MBNL3: variants seen among roughly 807,000 people sequenced by gnomAD.
The protein encoded by MBNL3 is muscleblind-like protein 3.
Under a neutral mutation model 24.5 loss-of-function variants are expected in MBNL3, and 6 were observed. The ratio of observed to expected loss-of-function variants is 0.25; its 90% CI spans 0.13 to 0.48. The LOEUF is 0.48. MBNL3 is among the 20% of genes least tolerant of loss of function. The probability of loss-of-function intolerance (pLI) is 0.99; values close to 1 mark genes in which losing one functional copy is unlikely to be tolerated. For missense variants in MBNL3, 230 were observed against 293.5 expected, an observed-to-expected ratio of 0.78 and a Z score of 1.58; for synonymous variants, 100 against 101.7, an observed-to-expected ratio of 0.98 and a Z score of 0.10.
intron 1 of MBNL3, among the ~76,000 whole-genome samples, chrX:132,444,770 T>C (rs1945606468): frequency 8.9e-6 from 1 of 111,829 alleles, no homozygotes; most frequent in Admixed American, 9.5e-5. Context: ...TAATAGATTC[T>C]CTATTAAGTG....
chrX:132,481,663 C>T (rs977293318), intron 1 of MBNL3, among the ~76,000 whole-genome samples: 2 of 111,962 alleles, frequency 1.8e-5, no homozygotes, highest in African/African-American at 6.5e-5. Context: ...ATGATGATCA[C>T]ACTCTTCACA....
intron 3 of MBNL3, among the ~76,000 whole-genome samples, chrX:132,401,970 A>G (rs1479735270): frequency 9.0e-6 from 1 of 111,616 alleles, no homozygotes; most frequent in Non-Finnish European, 1.9e-5. Flanking sequence ...AAAGGTGGAG[A>G]GGGATCCAGG....
At chrX:132,409,221 A>G in intron 2 of MBNL3, among the ~76,000 whole-genome samples, 1 of 112,242 alleles carries the variant, frequency 8.9e-6, no homozygotes, top group Non-Finnish European at 1.9e-5. Context: ...AAAATACTTT[A>G]ATTGGTGTTT....
intron 6 of MBNL3, among the ~76,000 whole-genome samples, chrX:132,385,933 T>G (rs1935944926): frequency 9.2e-6 from 1 of 109,134 alleles, no homozygotes; most frequent in South Asian, 3.8e-4. Context: ...GTACTCTCAA[T>G]GGTTAGAATT....
At chrX:132,488,321 G>T (rs942878644) in intron 1 of MBNL3, among the ~76,000 whole-genome samples, 1 of 111,238 alleles carries the variant, frequency 9.0e-6, no homozygotes, top group Admixed American at 9.5e-5. Flanking sequence ...TTCATTACTC[G>T]TCTGGGTTTA....
chrX:132,447,331 A>AAT (rs765569380), intron 1 of MBNL3, among the ~76,000 whole-genome samples: 2 of 111,923 alleles, frequency 1.8e-5, no homozygotes, highest in East Asian at 5.6e-4. Context: ...TTGAATCTAT[A>AAT]AATTACTTTG....
At chrX:132,480,453 G>A (rs1947669814) in intron 1 of MBNL3, among the ~76,000 whole-genome samples, 2 of 111,993 alleles carry the variant, frequency 1.8e-5, no homozygotes, top group African/African-American at 6.5e-5. Context: ...TCTGGCAGAC[G>A]TTAATGGCAA....
At chrX:132,449,982 C>G (rs1487279265) in intron 1 of MBNL3, among the ~76,000 whole-genome samples, 1 of 60,102 alleles carries the variant, frequency 1.7e-5, no homozygotes, top group Non-Finnish European at 3.5e-5. Flanking sequence ...ATATTGCCCC[C>G]CCCCCCCCCC....
intron 1 of MBNL3, among the ~76,000 whole-genome samples, chrX:132,463,468 A>G (rs1189084675): frequency 8.9e-6 from 1 of 112,039 alleles, no homozygotes; most frequent in Admixed American, 9.5e-5. Flanking sequence ...CGTCTCAAAA[A>G]ACAAACAAAC....
At chrX:132,434,605 G>A (rs1203871331) in intron 2 of MBNL3, among the ~76,000 whole-genome samples, 4 of 111,992 alleles carry the variant, frequency 3.6e-5, no homozygotes, top group South Asian at 7.4e-4. Context: ...TCATTTCTGC[G>A]TGTGGGTTTC....
chrX:132,412,539 A>C (rs1305179167), intron 2 of MBNL3, among the ~76,000 whole-genome samples: 1 of 112,396 alleles, frequency 8.9e-6, no homozygotes, highest in Admixed American at 9.4e-5. Flanking sequence ...GCTTTCCTTC[A>C]TGACCCACGC....
intron 2 of MBNL3, among the ~76,000 whole-genome samples, chrX:132,408,394 C>T (rs1215482547): frequency 1.8e-5 from 2 of 108,634 alleles, no homozygotes; most frequent in African/African-American, 3.3e-5. Context: ...CATACACAAG[C>T]GTGGAACACA....
chrX:132,393,054 G>C (rs781561092), intron 3 of MBNL3, among the ~76,000 whole-genome samples: 1 of 111,125 alleles, frequency 9.0e-6, no homozygotes, highest in South Asian at 3.8e-4. Context: ...TTTTGATACA[G>C]GCATACTGTG....
chrX:132,467,561 C>T (rs1041569764), intron 1 of MBNL3, among the ~76,000 whole-genome samples: 1 of 112,045 alleles, frequency 8.9e-6, no homozygotes, highest in Non-Finnish European at 1.9e-5. Context: ...CATATGTTTA[C>T]ATTTAACAGC....
intron 1 of MBNL3, among the ~76,000 whole-genome samples, chrX:132,472,887 G>T (rs750433227): frequency 4.6e-4 from 51 of 111,943 alleles, no homozygotes; most frequent in Non-Finnish European, 8.5e-4. Flanking sequence ...ACTGAATCCA[G>T]TAAATAATCA....
intron 1 of MBNL3, among the ~76,000 whole-genome samples, chrX:132,483,919 T>C: frequency 8.9e-6 from 1 of 112,592 alleles, no homozygotes; most frequent in African/African-American, 3.2e-5. Flanking sequence ...TTGGATTTTG[T>C]CTGTAACTTC....
At chrX:132,465,743 A>G (rs1946851426) in intron 1 of MBNL3, among the ~76,000 whole-genome samples, 1 of 112,339 alleles carries the variant, frequency 8.9e-6, no homozygotes, top group African/African-American at 3.2e-5. Flanking sequence ...AGTTCATTTT[A>G]GACATTTCCT....
intron 3 of MBNL3, among the ~76,000 whole-genome samples, chrX:132,401,211 T>C (rs1922349839): frequency 8.9e-6 from 1 of 112,065 alleles, no homozygotes; most frequent in South Asian, 3.7e-4. Context: ...TTTTATAGCA[T>C]AAATATTTCA....
At chrX:132,489,562 C>T (rs1948184165), upstream of MBNL3, among the ~76,000 whole-genome samples, 1 of 111,821 alleles carries the variant, frequency 8.9e-6, no homozygotes. Context: ...CGTCCCCTCG[C>T]GCAGCCCCGC....
Sources: allele counts gnomAD v4.1 joint callset (sites outside exome capture counted in the v4.1 genomes callset), GRCh38; gene constraint gnomAD v4.1.1; transcripts MANE v1.5; gene names NCBI Gene and HGNC (gene_info 2026-07-23, HGNC 2026-07-21).